CNTNAP2: variants seen among roughly 807,000 people sequenced by gnomAD.
CNTNAP2 encodes the protein contactin-associated protein-like 2.
CNTNAP2 carries 98 observed loss-of-function variants against 155.2 expected under a neutral mutation model. The observed-to-expected ratio is 0.63, with a 90% CI of 0.54 to 0.75. The LOEUF (loss-of-function observed/expected upper bound fraction) is 0.75, where lower values mean the gene tolerates loss of function less well. CNTNAP2 is among the 30% of genes least tolerant of loss of function. The pLI is 0.00. For missense variants in CNTNAP2, 1,727 were observed against 1,688.1 expected (o/e 1.02, Z -0.40); for synonymous variants, 651 against 631.2 (o/e 1.03, Z -0.47).
intron 21 of CNTNAP2, among the ~76,000 whole-genome samples, chr7:148,305,645 CT>C (rs1422813412): frequency 1.3e-5 from 2 of 152,198 alleles, no homozygotes; most frequent in Admixed American, 6.5e-5. Context: ...CATGTCTTAC[CT>C]CTGCAAAGCA....
At position 148,224,521 on chromosome 7, in the gene CNTNAP2, G is replaced by A. The variant is rs569709009; in HGVS notation, c.3248-5125G>A. Among the ~76,000 whole-genome samples the A allele has an allele frequency of 3.0e-4, 46 of 152,276 alleles. No individual in the cohort carries two copies. The South Asian group carries it at 9.1e-3, about 30-fold the overall frequency. On this transcript the variant is annotated intron_variant, in intron 19 of 23. Transcript: ENST00000361727. ...TAGCAGGAGGAATGCACATCAGACAGGGCATTGCAACCGCTATTTGGAAAG... is the reference window on the plus strand; with the variant it reads ...TAGCAGGAGGAATGCACATCAGACAAGGCATTGCAACCGCTATTTGGAAAG...
intron 1 of CNTNAP2, among the ~76,000 whole-genome samples, chr7:146,701,940 C>T (rs999432642): frequency 6.6e-6 from 1 of 152,044 alleles, no homozygotes; most frequent in African/African-American, 2.4e-5. Context: ...AATTTTGTGT[C>T]AAAACAAAAG....
At chr7:146,565,941 G>C (rs1283059153) in intron 1 of CNTNAP2, among the ~76,000 whole-genome samples, 1 of 152,210 alleles carries the variant, frequency 6.6e-6, no homozygotes, top group Non-Finnish European at 1.5e-5. Flanking sequence ...TGTTATTTCA[G>C]TCTTCCTCAT....
At chr7:146,985,308 ATTTTTTTTTTT>A (rs71165057) in intron 3 of CNTNAP2, among the ~76,000 whole-genome samples, 71 of 127,858 alleles carry the variant, frequency 5.6e-4, no homozygotes, top group Admixed American at 1.8e-3. Flanking sequence ...AAATGCTTGA[ATTTTTTTTTTT>A]TTTTTTTTTT....
intron 1 of CNTNAP2, among the ~76,000 whole-genome samples, chr7:146,133,943 C>T (rs1176349619): frequency 2.0e-5 from 3 of 151,134 alleles, no homozygotes; most frequent in African/African-American, 7.3e-5. Flanking sequence ...TTTTCCAATT[C>T]TGTGAAGAAA....
intron 12 of CNTNAP2, among the ~76,000 whole-genome samples, chr7:147,592,456 T>G (rs1035865708): frequency 2.9e-5 from 4 of 140,172 alleles, no homozygotes; most frequent in African/African-American, 1.1e-4. Context: ...AATACACTAA[T>G]AATTAAAAGT....
At chr7:148,040,890 C>T (rs893904755) in intron 15 of CNTNAP2, among the ~76,000 whole-genome samples, 9 of 151,926 alleles carry the variant, frequency 5.9e-5, no homozygotes, top group African/African-American at 2.2e-4. Context: ...ACCTGTAATC[C>T]CAGCACTTTG....
intron 12 of CNTNAP2, among the ~76,000 whole-genome samples, chr7:147,575,380 G>A (rs772776011): frequency 0.073 from 10,309 of 142,138 alleles, 1,353 homozygotes; most frequent in African/African-American, 0.28. Flanking sequence ...GGGTGTGTGT[G>A]TGTGTGTGTG....
chr7:147,262,364 C>T (rs1008103022), intron 8 of CNTNAP2, among the ~76,000 whole-genome samples: 1 of 152,110 alleles, frequency 6.6e-6, no homozygotes, highest in Non-Finnish European at 1.5e-5. Flanking sequence ...ACCCCTGGTA[C>T]CCTAGAATGT....
chr7:147,066,038 CAAAG>C (rs1285538751), intron 4 of CNTNAP2, among the ~76,000 whole-genome samples: 3 of 151,828 alleles, frequency 2.0e-5, no homozygotes, highest in Non-Finnish European at 4.4e-5. Flanking sequence ...AAACAAAAAA[CAAAG>C]AAACAAAAAA....
At chr7:147,359,706 TCTTA>T (rs1433911969) in intron 9 of CNTNAP2, among the ~76,000 whole-genome samples, 2 of 152,102 alleles carry the variant, frequency 1.3e-5, no homozygotes, top group Non-Finnish European at 2.9e-5. Flanking sequence ...AATGGTCTTC[TCTTA>T]CTTGCTCACA....
At chr7:147,608,165 G>A (rs1183630465) in intron 12 of CNTNAP2, among the ~76,000 whole-genome samples, 2 of 150,412 alleles carry the variant, frequency 1.3e-5, no homozygotes, top group African/African-American at 4.9e-5. Flanking sequence ...AGGAGACAGT[G>A]TGTACACTTA....
chr7:146,478,814 T>G (rs938855362), intron 1 of CNTNAP2, among the ~76,000 whole-genome samples: 1 of 152,106 alleles, frequency 6.6e-6, no homozygotes, highest in African/African-American at 2.4e-5. Context: ...GGGGCTCAAG[T>G]AATTTAGGAG....
At chr7:148,192,268 T>C (rs747507298) in intron 18 of CNTNAP2, among the ~76,000 whole-genome samples, 1 of 152,144 alleles carries the variant, frequency 6.6e-6, no homozygotes, top group Non-Finnish European at 1.5e-5. Flanking sequence ...CCCTACACCC[T>C]TCTGAGTCTC....
At chr7:147,472,867 A>C (rs1798249848) in intron 10 of CNTNAP2, among the ~76,000 whole-genome samples, 1 of 152,200 alleles carries the variant, frequency 6.6e-6, no homozygotes, top group Admixed American at 6.5e-5. Context: ...TTCACCCAGC[A>C]ATGCCTCTGA....
intron 1 of CNTNAP2, among the ~76,000 whole-genome samples, chr7:146,754,205 A>G (rs1255321410): frequency 1.3e-5 from 2 of 152,030 alleles, no homozygotes; most frequent in South Asian, 2.1e-4. Context: ...GGTATACTCA[A>G]ATGCTATTTC....
intron 11 of CNTNAP2, among the ~76,000 whole-genome samples, chr7:147,561,856 G>A (rs907494478): frequency 2.0e-5 from 3 of 152,134 alleles, no homozygotes; most frequent in Non-Finnish European, 4.4e-5. Flanking sequence ...CAATGATCAT[G>A]AGCCCCAGTA....
At chr7:147,840,439 G>C (rs1798710099) in intron 13 of CNTNAP2, among the ~76,000 whole-genome samples, 1 of 152,132 alleles carries the variant, frequency 6.6e-6, no homozygotes, top group Non-Finnish European at 1.5e-5. Context: ...ATCTGCAGTT[G>C]GGGGTGTCTG....
In CNTNAP2 at chr7:148,171,784, C is replaced by T. The variant is rs559426484; in HGVS notation, c.2774-458C>T. Among the ~76,000 whole-genome samples the T allele has an allele frequency of 3.3e-5, 5 of 152,328 alleles. No homozygotes were observed. The South Asian group carries it at 8.3e-4, about 25-fold the overall frequency. ...CTCTTGAGACAAGAACCAAGATCTACAATCACATTTCAAACGGATTTATGT... is the reference window on the plus strand; with the variant it reads ...CTCTTGAGACAAGAACCAAGATCTATAATCACATTTCAAACGGATTTATGT... On this transcript the variant is annotated intron_variant, in intron 17 of 23. Transcript: ENST00000361727.
Sources: allele counts gnomAD v4.1 joint callset (sites outside exome capture counted in the v4.1 genomes callset), GRCh38; gene constraint gnomAD v4.1.1; transcripts MANE v1.5; gene names NCBI Gene and HGNC (gene_info 2026-07-23, HGNC 2026-07-21).